The following ANKS1B variants were observed in gnomAD, a reference collection of about 807,000 sequenced individuals.
ANKS1B encodes the protein ankyrin repeat and sterile alpha motif domain containing 1B.
A neutral mutation model predicts 148.3 loss-of-function variants in ANKS1B; 36 were observed. The observed-to-expected ratio is 0.24, with a 90% CI of 0.19 to 0.32. The LOEUF is 0.32. Ranked by LOEUF, ANKS1B falls within the 10% of genes least tolerant of loss-of-function variation. ANKS1B has a pLI of 1.00. For synonymous variants in ANKS1B, 542 were observed against 560.8 expected (o/e 0.97, Z 0.47); for missense variants, 1,157 against 1,542.6 (o/e 0.75, Z 4.19).
chr12:98,800,339 T>C (rs2098991438), intron 21 of ANKS1B, among the ~76,000 whole-genome samples: 1 of 152,134 alleles, frequency 6.6e-6, no homozygotes, highest in African/African-American at 2.4e-5. Context: ...TCAGGGAAGT[T>C]TGCCTGATTG....
At chr12:99,847,911 A>G (rs1313854644) in intron 1 of ANKS1B, among the ~76,000 whole-genome samples, 2 of 152,012 alleles carry the variant, frequency 1.3e-5, no homozygotes, top group South Asian at 2.1e-4. Flanking sequence ...CTTAAGGCAG[A>G]GTGGGAGTAG....
intron 1 of ANKS1B, among the ~76,000 whole-genome samples, chr12:99,940,577 A>G (rs1215750217): frequency 6.6e-6 from 1 of 152,094 alleles, no homozygotes; most frequent in African/African-American, 2.4e-5. Context: ...CAATCAACGA[A>G]GCCAAAAAAA....
At chr12:99,933,033 A>G (rs551070319) in intron 1 of ANKS1B, among the ~76,000 whole-genome samples, 8 of 152,130 alleles carry the variant, frequency 5.3e-5, no homozygotes, top group East Asian at 1.9e-4. Context: ...TTTTTCCCCA[A>G]TGTACGTTCT....
intron 17 of ANKS1B, among the ~76,000 whole-genome samples, chr12:98,904,750 A>G (rs1432036568): frequency 6.6e-6 from 1 of 152,214 alleles, no homozygotes; most frequent in Non-Finnish European, 1.5e-5. Flanking sequence ...ATTCCAGTGG[A>G]ATATGTTTCT....
chr12:99,095,369 T>C (rs2055633902), intron 15 of ANKS1B, among the ~76,000 whole-genome samples: 1 of 152,182 alleles, frequency 6.6e-6, no homozygotes, highest in Non-Finnish European at 1.5e-5. Flanking sequence ...GAAAAGCTTT[T>C]GCTTTCCTAA....
chr12:99,579,857 T>C (rs1372695995), intron 9 of ANKS1B, among the ~76,000 whole-genome samples: 1 of 152,038 alleles, frequency 6.6e-6, no homozygotes, highest in Non-Finnish European at 1.5e-5. Context: ...GGATATATAC[T>C]GAAAGGAAAA....
At position 99,828,319 on chromosome 12, in the gene ANKS1B, C is replaced by T. The variant is rs141242806; in HGVS notation, c.135-2930G>A. ...CTGTGATGTAAATACTTCAACTTAA[C>T]GCAGTGATAGGAAGAGATGCTAACA... On this transcript the variant is annotated intron_variant, in intron 1 of 26. Coordinates refer to ENST00000683438, the MANE Select transcript of ANKS1B (RefSeq NM_001352186.2). 5.7e-4 allele frequency among the ~76,000 whole-genome samples: 87 copies of T among 152,228 alleles called. 1 individual carries two copies. Among genetic ancestry groups the T allele is most frequent in the South Asian group, 2.3e-3 (11 of 4,822 alleles).
chr12:99,018,750 C>G (rs2099944008), intron 17 of ANKS1B, among the ~76,000 whole-genome samples: 1 of 152,152 alleles, frequency 6.6e-6, no homozygotes, highest in Non-Finnish European at 1.5e-5. Flanking sequence ...TCAAACCAGC[C>G]TGGCCAACAT....
intron 4 of ANKS1B, among the ~76,000 whole-genome samples, chr12:99,795,205 G>T (rs926214992): frequency 4.6e-5 from 7 of 151,496 alleles, no homozygotes; most frequent in African/African-American, 1.5e-4. Flanking sequence ...TAAATGAAAA[G>T]AATACATCCT....
intron 17 of ANKS1B, among the ~76,000 whole-genome samples, chr12:98,833,240 G>A (rs556279133): frequency 4.6e-5 from 7 of 152,248 alleles, no homozygotes; most frequent in South Asian, 4.2e-4. Flanking sequence ...CTGTGGTTCC[G>A]AGTGGTTAAG....
At chr12:99,208,274 G>A (rs991240896) in intron 14 of ANKS1B, among the ~76,000 whole-genome samples, 1 of 152,034 alleles carries the variant, frequency 6.6e-6, no homozygotes, top group Non-Finnish European at 1.5e-5. Flanking sequence ...TGCCTTTAGA[G>A]TCTTTTAATT....
intron 17 of ANKS1B, among the ~76,000 whole-genome samples, chr12:99,004,389 T>C (rs1427336621): frequency 6.6e-6 from 1 of 152,166 alleles, no homozygotes; most frequent in African/African-American, 2.4e-5. Context: ...TTTGAAAGAC[T>C]AAATGAGATA....
intron 8 of ANKS1B, among the ~76,000 whole-genome samples, chr12:99,718,496 C>G (rs1173828474): frequency 1.3e-5 from 2 of 152,166 alleles, no homozygotes; most frequent in Non-Finnish European, 2.9e-5. Flanking sequence ...TATCCCATCC[C>G]ACAGCATGCT....
intron 12 of ANKS1B, among the ~76,000 whole-genome samples, chr12:99,281,038 G>T (rs1042536180): frequency 6.6e-6 from 1 of 151,896 alleles, no homozygotes. Flanking sequence ...GAGAATCCTT[G>T]CTCTCTTCTC....
chr12:99,418,264 A>G (rs2094967364), intron 11 of ANKS1B, among the ~76,000 whole-genome samples: 2 of 152,356 alleles, frequency 1.3e-5, no homozygotes, highest in South Asian at 4.1e-4. Context: ...AACTATAAAT[A>G]AAATAATCAG....
At chr12:99,531,404 C>T (rs2096989125) in intron 9 of ANKS1B, among the ~76,000 whole-genome samples, 1 of 152,286 alleles carries the variant, frequency 6.6e-6, no homozygotes, top group East Asian at 1.9e-4. Context: ...CTACACCACA[C>T]AGTACACCTT....
chr12:99,280,620 T>G (rs904916350), intron 12 of ANKS1B, among the ~76,000 whole-genome samples: 2 of 152,136 alleles, frequency 1.3e-5, no homozygotes, highest in African/African-American at 4.8e-5. Context: ...GATTGCCCTC[T>G]CTAATATGGG....
chr12:99,059,871 C>T lies in ANKS1B; in HGVS notation c.2626-6562G>A, dbSNP rs115743376. Among the ~76,000 whole-genome samples the T allele has an allele frequency of 5.4e-3, 788 of 144,708 alleles. 13 individuals are homozygous for T. The highest frequency in any genetic ancestry group is 0.019 in the African/African-American group (755 of 39,060). 94.9% of individuals were successfully genotyped at this position (144,708 alleles called of 152,430 possible). Reference sequence around the variant, plus strand: ...TTCTTTCATGTATCTTCAGCAGTACCCACAGGGAGCACTGTGACTGCATTC... The same window carrying T: ...TTCTTTCATGTATCTTCAGCAGTACTCACAGGGAGCACTGTGACTGCATTC... On this transcript the variant is annotated intron_variant, in intron 16 of 26. Coordinates refer to ENST00000683438, the MANE Select transcript of ANKS1B (RefSeq NM_001352186.2).
chr12:99,241,244 C>T (rs941063967), intron 14 of ANKS1B, among the ~76,000 whole-genome samples: 1 of 152,202 alleles, frequency 6.6e-6, no homozygotes, highest in African/African-American at 2.4e-5. Flanking sequence ...GAAATACAAA[C>T]TACCATCAGA....
Sources: gnomAD v4.1 joint callset for allele counts (sites outside exome capture counted in the v4.1 genomes callset) on GRCh38, gnomAD v4.1.1 for gene constraint, MANE v1.5 for transcripts, NCBI Gene and HGNC (gene_info 2026-07-23, HGNC 2026-07-21) for gene names.